WWP1: variants seen among roughly 807,000 people sequenced by gnomAD.
WWP1 encodes the protein NEDD4-like E3 ubiquitin-protein ligase WWP1.
A neutral mutation model predicts 130.6 loss-of-function variants in WWP1; 49 were observed. The observed-to-expected ratio is 0.38, with a 90% CI of 0.30 to 0.48. The LOEUF is 0.48. Ranked by LOEUF, WWP1 falls within the 20% of genes least tolerant of loss-of-function variation. The probability of loss-of-function intolerance (pLI) is 0.99; values close to 1 mark genes in which losing one functional copy is unlikely to be tolerated. For synonymous variants in WWP1, 332 were observed against 367.8 expected (o/e 0.90, Z 1.11); for missense variants, 809 against 1,100.6 (o/e 0.74, Z 3.75).
chr8:86,424,791 CGTGGAAAGAGAGGGAGAGG>C (rs1317758391), intron 9 of WWP1, among the ~76,000 whole-genome samples: 2 of 130,636 alleles, frequency 1.5e-5, no homozygotes, highest in Non-Finnish European at 3.2e-5. Flanking sequence ...AGAGGGAGAG[CGTGGAAAGAGAGGGAGAGG>C]GAGACTGTGG....
intron 5 of WWP1, among the ~76,000 whole-genome samples, chr8:86,391,359 T>A (rs978214613): frequency 2.0e-5 from 3 of 152,230 alleles, no homozygotes; most frequent in African/African-American, 7.2e-5. Flanking sequence ...TTCAGGTCAG[T>A]TGAACAACAT....
At chr8:86,435,245 C>T (rs1810224621) in intron 14 of WWP1, among the ~76,000 whole-genome samples, 1 of 152,158 alleles carries the variant, frequency 6.6e-6, no homozygotes, top group African/African-American at 2.4e-5. Flanking sequence ...AATACAATGT[C>T]CTTCTTTGTG....
intron 8 of WWP1, among the ~76,000 whole-genome samples, chr8:86,403,144 A>T (rs1304623963): frequency 6.6e-6 from 1 of 152,126 alleles, no homozygotes; most frequent in Admixed American, 6.6e-5. Flanking sequence ...GATTATTAGC[A>T]CACATGTTGG....
chr8:86,408,031 A>G (rs1433784575), intron 8 of WWP1, among the ~76,000 whole-genome samples: 11 of 152,108 alleles, frequency 7.2e-5, no homozygotes. Context: ...TAGTTTTACT[A>G]CTCTAAAATT....
chr8:86,408,337 G>A (rs1014935601), intron 8 of WWP1, among the ~76,000 whole-genome samples: 4 of 152,116 alleles, frequency 2.6e-5, no homozygotes, highest in Admixed American at 1.3e-4. Flanking sequence ...AGGCTCTTAC[G>A]TGAATATAAG....
At chr8:86,405,996 C>G (rs1808258606) in intron 8 of WWP1, among the ~76,000 whole-genome samples, 1 of 152,194 alleles carries the variant, frequency 6.6e-6, no homozygotes, top group South Asian at 2.1e-4. Context: ...TCCCCCACCT[C>G]CTGTTCTTTT....
intron 1 of WWP1, chr8:86,343,219 A>T: frequency 5.9e-6 from 1 of 169,138 alleles, no homozygotes; most frequent in Admixed American, 6.3e-5. Context: ...CTGCAGCCGC[A>T]GTTCTTAGGC....
At chr8:86,372,709 T>C (rs4490816) in intron 2 of WWP1, among the ~76,000 whole-genome samples, 111,395 of 151,976 alleles carry the variant, frequency 0.73, 41,714 homozygotes, top group African/African-American at 0.84. Context: ...TGCTACATCT[T>C]TTATGTGGGT....
chr8:86,384,783 C>T (rs1353130360), intron 5 of WWP1, among the ~76,000 whole-genome samples: 1 of 151,964 alleles, frequency 6.6e-6, no homozygotes, highest in African/African-American at 2.4e-5. Flanking sequence ...GGTGGATCAC[C>T]TGAGCTCAGG....
At chr8:86,453,534 G>A (rs554799186) in intron 21 of WWP1, among the ~76,000 whole-genome samples, 53 of 152,182 alleles carry the variant, frequency 3.5e-4, no homozygotes, top group African/African-American at 1.2e-3. Context: ...TTGAGATCCC[G>A]TTTCTTTTGG....
At chr8:86,404,482 C>T (rs2130522828) in intron 8 of WWP1, among the ~76,000 whole-genome samples, 1 of 152,240 alleles carries the variant, frequency 6.6e-6, no homozygotes. Context: ...AGATTCTTTC[C>T]ATTGGTAATA....
intron 2 of WWP1, among the ~76,000 whole-genome samples, chr8:86,370,726 A>G (rs962992482): frequency 3.3e-5 from 5 of 152,096 alleles, no homozygotes; most frequent in Non-Finnish European, 7.4e-5. Flanking sequence ...TCAGTGTAGA[A>G]TGTTAAATCT....
chr8:86,423,811 GCCC>G lies in WWP1; in HGVS notation c.1062-1404_1062-1402del, dbSNP rs373220036. 1.9e-3 allele frequency among the ~76,000 whole-genome samples: 275 copies of G among 142,928 alleles called. 2 individuals carry two copies. The highest frequency in any genetic ancestry group is 6.8e-3 in the African/African-American group (262 of 38,534). The allele number at this position is 142,928 out of a possible 152,430, so 93.8% of individuals were successfully genotyped here. ...CCAGAAGGGGCGGCCGGGCAGAGGC[GCCC>G]CCCCCCCACCTCCCGGACGGGGCGG... is the stretch of plus-strand genomic sequence containing the variant. On this transcript the variant is annotated intron_variant, in intron 9 of 24. Transcript: ENST00000517970.
chr8:86,397,916 G>A lies in WWP1; in HGVS notation c.335-426G>A, dbSNP rs149200495. Among the ~76,000 whole-genome samples the A allele has an allele frequency of 7.2e-3, 1,093 of 152,194 alleles. 14 individuals are homozygous for A. The highest frequency in any genetic ancestry group is 0.025 in the African/African-American group (1,040 of 41,514). ...GTTTGAAGTCCATTGTCTCCATTTTGTAATTAAGAAACCAAGGCTTAAAGA... is the reference window on the plus strand; with the variant it reads ...GTTTGAAGTCCATTGTCTCCATTTTATAATTAAGAAACCAAGGCTTAAAGA... On this transcript the variant is annotated intron_variant, in intron 5 of 24. Coordinates refer to ENST00000517970, the MANE Select transcript of WWP1 (RefSeq NM_007013.4).
At chr8:86,402,286 T>C (rs1426215028) in intron 8 of WWP1, 83 bp downstream of exon 8, 2 of 1,454,438 alleles carry the variant, frequency 1.4e-6, no homozygotes, top group African/African-American at 2.9e-5. Context: ...ACTTCCCTTT[T>C]TGTGTAGTCT....
intron 14 of WWP1, among the ~76,000 whole-genome samples, chr8:86,434,460 C>A (rs1810173511): frequency 1.3e-5 from 2 of 151,904 alleles, no homozygotes; most frequent in African/African-American, 2.4e-5. Context: ...ATGGCTTTTG[C>A]CCTCTCCTTC....
chr8:86,342,702 G>A lies in WWP1; in HGVS notation c.-343G>A. ...GTGTGGGGTCGGCTGGGGGTGGCGC[G>A]TGGACGGGGTGGGGGTGGGGGGAGG... On this transcript the variant is annotated 5_prime_UTR_variant, in exon 1 of 25. In the 5' UTR this introduces an upstream ATG that the reference lacks. Transcript: ENST00000517970. 3.2e-6 allele frequency: 1 copy of A among 315,978 alleles called. No individual in the cohort carries two copies. Among genetic ancestry groups the A allele is most frequent in the Non-Finnish European group, 5.7e-6 (1 of 176,378 alleles). The allele number at this position is 315,978 out of a possible 1,614,324, so 19.6% of individuals were successfully genotyped here.
Position 86,411,712 on chromosome 8 carries a change from G to A in WWP1, c.899G>A (p.Ser300Asn). Residue 300 changes from serine (S) to asparagine (N), a missense_variant, in exon 9 of 25, where the codon AGT becomes AAT. Transcript: ENST00000517970. ...SENNECIPST[S>N]AELESEARSI... is the part of the protein sequence containing the mutation. Reference sequence around the variant, plus strand: ...AACAATGAATGTATTCCTTCTACCAGTGCAGAATTGGAATCTGAAGCTAGA... The same window carrying A: ...AACAATGAATGTATTCCTTCTACCAATGCAGAATTGGAATCTGAAGCTAGA... 1 of 1,614,176 alleles carries A rather than the reference G, an allele frequency of 6.2e-7. No homozygotes were observed. The highest frequency in any genetic ancestry group is 8.5e-7 in the Non-Finnish European group (1 of 1,180,034).
intron 17 of WWP1, among the ~76,000 whole-genome samples, chr8:86,439,043 T>G (rs985249729): frequency 3.9e-5 from 6 of 152,174 alleles, no homozygotes; most frequent in African/African-American, 1.4e-4. Context: ...TTTCTTCTTG[T>G]TTTTTAAAAA....
Sources: allele counts gnomAD v4.1 joint callset (sites outside exome capture counted in the v4.1 genomes callset), GRCh38; gene constraint gnomAD v4.1.1; transcripts MANE v1.5; gene names NCBI Gene and HGNC (gene_info 2026-07-23, HGNC 2026-07-21).